CAD: variants seen among roughly 807,000 people sequenced by gnomAD.
CAD encodes the protein multifunctional protein CAD.
In CAD, 81 loss-of-function variants were observed where a neutral mutation model predicts 237.2. The ratio of observed to expected loss-of-function variants is 0.34; its 90% CI spans 0.29 to 0.41. The LOEUF (loss-of-function observed/expected upper bound fraction) is 0.41. Ranked by LOEUF, CAD falls within the 10% of genes least tolerant of loss-of-function variation. CAD has a pLI of 1.00. For synonymous variants in CAD, 1,196 were observed against 1,162.8 expected (o/e 1.03, Z -0.58); for missense variants, 2,181 against 2,951.7 (o/e 0.74, Z 6.05).
rs1216568269 is a variant in CAD, at chr2:27,232,043, T to C, written c.2464T>C (p.Ser822Pro). ...VVAAALWAGY[S>P]VDRLYELTRI... is the part of the protein sequence containing the mutation. Reference sequence around the variant, plus strand: ...GGCAGCTGCTTTGTGGGCTGGTTATTCAGTGGACCGCCTGTATGAGCTCAC... The same window carrying C: ...GGCAGCTGCTTTGTGGGCTGGTTATCCAGTGGACCGCCTGTATGAGCTCAC... The change falls in exon 17 of 44, where the codon TCA becomes CCA. Residue 822 changes from serine (S) to proline (P), a missense_variant. Around this residue, in one of 12 missense-constraint regions of CAD, gnomAD observed 385 missense variants for 535.1 expected, o/e 0.72. Transcript: ENST00000264705. This position sits in a 1 kb window ranked among gnomAD's most constrained non-coding sequence, Gnocchi z 4.1. 1 of 1,614,262 alleles carries C rather than the reference T, an allele frequency of 6.2e-7. No homozygotes were observed. The highest frequency in any genetic ancestry group is 1.1e-5 in the South Asian group (1 of 91,088).
At position 27,235,236 on chromosome 2, in the gene CAD, C is replaced by T. The variant is rs766769954; in HGVS notation, c.3787-9C>T. 3.8e-6 allele frequency: 6 copies of T among 1,597,782 alleles called. No individual in the cohort carries two copies. The East Asian group carries it at 1.3e-4, about 36-fold the overall frequency. ...CCTTGGCCCTCTCTCTTCCCTCCCG[C>T]CCCTTTAGGTGCCTCAGTTCTCCTT... On this transcript the variant is annotated splice_polypyrimidine_tract_variant and intron_variant, in intron 23 of 43. Transcript: ENST00000264705. This position sits in a 1 kb window ranked among gnomAD's most constrained non-coding sequence, Gnocchi z 5.2.
chr2:27,238,008 A>G, intron 29 of CAD, 48 bp from the exon 30 acceptor site: 2 of 1,606,150 alleles, frequency 1.2e-6, no homozygotes, highest in Non-Finnish European at 1.7e-6. Context: ...TCTGATGAGC[A>G]CAGTCAGAGA....
chr2:27,228,926 T>TC (rs1210362257), intron 15 of CAD, among the ~76,000 whole-genome samples: 3 of 146,160 alleles, frequency 2.1e-5, no homozygotes, highest in Non-Finnish European at 1.5e-5. Context: ...TTTTTTCTTT[T>TC]TTTTTTTTTT....
rs371174240 is a variant in CAD at position 27,239,126 on chromosome 2, C to T, written c.5147C>T (p.Thr1716Met). ...GLETMLPLLL[T>M]AVSEGRLSLD... ...GAGACCATGCTGCCACTACTCCTGA[C>T]GGCTGTAAGCGAGGGCCGGCTCAGC... The change falls in exon 32 of 44, where the codon ACG (threonine) becomes ATG (methionine). Residue 1716 changes from threonine to methionine, a missense_variant. Transcript: ENST00000264705. The surrounding 1 kb of genome is among the most constrained non-coding windows in gnomAD (Gnocchi z 4.0). The T allele has an allele frequency of 5.1e-5, 83 of 1,613,210 alleles. No homozygotes were observed. Among genetic ancestry groups the T allele is most frequent in the South Asian group, 6.6e-5 (6 of 90,948 alleles).
In CAD at chr2:27,243,417, G is replaced by A. The variant is rs201502721; in HGVS notation, c.6577G>A (p.Val2193Met). 1.1e-5 allele frequency: 17 copies of A among 1,523,108 alleles called. No homozygotes were observed. Among genetic ancestry groups the A allele is most frequent in the Middle Eastern group, 1.8e-4 (1 of 5,608 alleles). The allele number at this position is 1,523,108 out of a possible 1,614,324, so 94.3% of individuals were successfully genotyped here. Residue 2193 changes from valine to methionine, a missense_variant and splice_region_variant, in exon 44 of 44, where the codon GTG (valine) becomes ATG (methionine). Coordinates refer to ENST00000264705, the MANE Select transcript of CAD (RefSeq NM_004341.5). The part of the protein sequence containing the change: ...HPMPRVNEIS[V>M]EVDSDPRAAY... ...TTTTTTTTTTTTTTTTTTTTGCAGCGTGGAAGTGGACTCGGATCCCCGCGC... is the reference window on the plus strand; with the variant it reads ...TTTTTTTTTTTTTTTTTTTTGCAGCATGGAAGTGGACTCGGATCCCCGCGC...
At chr2:27,228,283 C>T (rs1675540153) in intron 15 of CAD, among the ~76,000 whole-genome samples, 1 of 152,158 alleles carries the variant, frequency 6.6e-6, no homozygotes, top group Non-Finnish European at 1.5e-5. Flanking sequence ...TCTGTTTATG[C>T]CCACTTCTTA....
Position 27,224,853 on chromosome 2 carries a change from A to C in CAD, c.1363A>C (p.Ile455Leu). 6.2e-7 allele frequency: 1 copy of C among 1,614,170 alleles called. No homozygotes were observed. The highest frequency in any genetic ancestry group is 8.5e-7 in the Non-Finnish European group (1 of 1,180,034). Residue 455 changes from isoleucine to leucine, a missense_variant, in exon 10 of 44, where the codon ATA (isoleucine) becomes CTA (leucine). Physicochemically the swap from Ile to Leu is conservative, Grantham distance 5. Transcript: ENST00000264705. Reference protein sequence around the residue: ...GLADKVYFLPITPHYVTQVIR... With the variant: ...GLADKVYFLPLTPHYVTQVIR... ...GGCCGACAAGGTCTATTTTCTTCCC[A>C]TAACACCTCATTATGTAACCCAGGT... is the stretch of plus-strand genomic sequence containing the variant.
intron 5 of CAD, 76 bp from the exon 6 acceptor site, chr2:27,222,790 T>C (rs558318616): frequency 3.7e-5 from 58 of 1,579,388 alleles, no homozygotes; most frequent in South Asian, 3.3e-4. Flanking sequence ...AACACTCTCA[T>C]GGGCTGGGGG....
chr2:27,223,027 T>A lies in CAD; in HGVS notation c.799T>A (p.Tyr267Asn). The change falls in exon 6 of 44, where the codon TAC becomes AAC. Residue 267 changes from tyrosine to asparagine, a missense_variant. Transcript: ENST00000264705. ...LLALAIGAKT[Y>N]KMRYGNRGHN... is the part of the protein sequence containing the mutation. The stretch of plus-strand genomic sequence containing the variant: ...GGCCTTAGCCATTGGGGCCAAGACT[T>A]ACAAGATGAGGTGGGACTTGTGGGG... 1 of 1,614,108 alleles carries A rather than the reference T, an allele frequency of 6.2e-7. No individual in the cohort carries two copies. The highest frequency in any genetic ancestry group is 8.5e-7 in the Non-Finnish European group (1 of 1,180,000).
chr2:27,235,249 C>G lies in CAD; in HGVS notation c.3791C>G (p.Pro1264Arg). 6.2e-7 allele frequency: 1 copy of G among 1,605,322 alleles called. No homozygotes were observed. Among genetic ancestry groups the G allele is most frequent in the Non-Finnish European group, 8.5e-7 (1 of 1,175,556 alleles). ...TGSGVVGVKV[P>R]QFSFSRLAGA... The stretch of plus-strand genomic sequence containing the variant: ...TCTTCCCTCCCGCCCCTTTAGGTGC[C>G]TCAGTTCTCCTTCTCCCGCTTGGCG... Residue 1264 changes from proline to arginine, a missense_variant, in exon 24 of 44, where the codon CCT (proline) becomes CGT (arginine). Transcript: ENST00000264705. The surrounding 1 kb of genome is among the most constrained non-coding windows in gnomAD (Gnocchi z 5.2).
rs56252443 is a variant in CAD, at chr2:27,243,013, G to T, written c.6480+40G>T. The T allele has an allele frequency of 0.049, 73,061 of 1,506,338 alleles. 1,948 individuals carry two copies. The highest frequency in any genetic ancestry group is 0.082 in the African/African-American group (5,947 of 72,902). 93.3% of individuals were successfully genotyped at this position (1,506,338 alleles called of 1,614,324 possible). ...TGAGGAAGAAGCCAGGGCTGCTGCC[G>T]TAGGGCATCAGATATGAGGACAGAA... On this transcript the variant is annotated intron_variant, in intron 42 of 43. Coordinates refer to ENST00000264705, the MANE Select transcript of CAD (RefSeq NM_004341.5).
rs1676280870 is a variant in CAD at position 27,240,823 on chromosome 2, A to G, written c.5594-88A>G. 1.7e-5 allele frequency: 25 copies of G among 1,446,478 alleles called. No individual in the cohort carries two copies. In the South Asian group the frequency reaches 2.9e-4, roughly 17 times the overall value. 89.6% of individuals were successfully genotyped at this position (1,446,478 alleles called of 1,614,324 possible). A position where few individuals can be genotyped will look rare whatever the true frequency, so the allele number is the denominator to read the frequency against. ...TGTGTTGTGAATTGGTTTAACATAT[A>G]CACTGTGATTCAGAGTTCCTGGGAA... is the stretch of plus-strand genomic sequence containing the variant. On this transcript the variant is annotated intron_variant, in intron 35 of 43. Transcript: ENST00000264705. The surrounding 1 kb of genome is among the most constrained non-coding windows in gnomAD (Gnocchi z 4.6).
At position 27,222,504 on chromosome 2, in the gene CAD, TC is replaced by T. The variant is rs1341519355; in HGVS notation, c.496-14del. 6.2e-7 allele frequency: 1 copy of T among 1,612,000 alleles called. No homozygotes were observed. The highest frequency in any genetic ancestry group is 1.3e-5 in the African/African-American group (1 of 74,862). On this transcript the variant is annotated splice_polypyrimidine_tract_variant and intron_variant, in intron 4 of 43. Coordinates refer to ENST00000264705, the MANE Select transcript of CAD (RefSeq NM_004341.5). Reference sequence around the variant, plus strand: ...ACAGCTGCCAACTGTTGCCCTTTATTCGTCTATTTCTCAGACTCCACGGGTA... The same window carrying T: ...ACAGCTGCCAACTGTTGCCCTTTATTGTCTATTTCTCAGACTCCACGGGTA...
Position 27,239,801 on chromosome 2 carries a change from A to T in CAD, c.5496+3A>T, listed in dbSNP as rs1452358451. 1 of 1,543,268 alleles carries T rather than the reference A, an allele frequency of 6.5e-7. No homozygotes were observed. Among genetic ancestry groups the T allele is most frequent in the Non-Finnish European group, 8.7e-7 (1 of 1,144,248 alleles). ...CTGCCACTAGTGAGATGACCACGGT[A>T]TCCACACTACTGGGCTAGGGGGCTG... is the stretch of plus-strand genomic sequence containing the variant. On this transcript the variant is annotated splice_donor_region_variant and intron_variant, in intron 34 of 43. Transcript: ENST00000264705. This position sits in a 1 kb window ranked among gnomAD's most constrained non-coding sequence, Gnocchi z 4.0.
At chr2:27,223,122 A>T in intron 6 of CAD, 85 bp downstream of exon 6, 1 of 1,434,708 alleles carries the variant, frequency 7.0e-7, no homozygotes, top group Non-Finnish European at 9.7e-7. Flanking sequence ...GTTGGTGTTT[A>T]TTCGTGTTGA....
rs566367558 is a variant in CAD at position 27,217,687 on chromosome 2, C to T, written c.82+54C>T. 2.2e-5 allele frequency: 33 copies of T among 1,480,294 alleles called. 1 individual carries two copies. In the South Asian group the frequency reaches 2.8e-4, roughly 12 times the overall value. The allele number at this position is 1,480,294 out of a possible 1,614,324, so 91.7% of individuals were successfully genotyped here. On this transcript the variant is annotated intron_variant, in intron 1 of 43. Coordinates refer to ENST00000264705, the MANE Select transcript of CAD (RefSeq NM_004341.5). ...TTATCCCACTCTGTGATGCGCCTCT[C>T]CTCCCAACCTTCCCCGTCCAGACCC...
In CAD at chr2:27,235,061, A is replaced by T. The variant is rs1026007727; in HGVS notation, c.3787-184A>T. On this transcript the variant is annotated intron_variant, in intron 23 of 43. Coordinates refer to ENST00000264705, the MANE Select transcript of CAD (RefSeq NM_004341.5). The surrounding 1 kb of genome is among the most constrained non-coding windows in gnomAD (Gnocchi z 5.2). Reference sequence around the variant, plus strand: ...GTTAAGGTTTTTTATTTGCAAGGGCACATCCTAAGCAGAAGCTGAGGGATG... The same window carrying T: ...GTTAAGGTTTTTTATTTGCAAGGGCTCATCCTAAGCAGAAGCTGAGGGATG... 2.6e-5 allele frequency among the ~76,000 whole-genome samples: 4 copies of T among 152,194 alleles called. No individual in the cohort carries two copies. Among genetic ancestry groups the T allele is most frequent in the Non-Finnish European group, 5.9e-5 (4 of 68,042 alleles).
At chr2:27,226,694 G>A in intron 14 of CAD, 45 bp downstream of exon 14, 11 of 1,611,008 alleles carry the variant, frequency 6.8e-6, no homozygotes, top group African/African-American at 1.3e-5. Flanking sequence ...TGGGTCGGGG[G>A]CTGAGGAAAA....
In CAD at chr2:27,239,623, C is replaced by T; in HGVS notation, c.5395-74C>T. ...ACAGCTCCCCCAAGGTGCTTTTTGT[C>T]CTTGCTGACATCTACCCCTTTAGGA... is the stretch of plus-strand genomic sequence containing the variant. On this transcript the variant is annotated intron_variant, in intron 33 of 43. Transcript: ENST00000264705. The surrounding 1 kb of genome is among the most constrained non-coding windows in gnomAD (Gnocchi z 4.0). The T allele has an allele frequency of 6.7e-7, 1 of 1,489,150 alleles. No homozygotes were observed. The highest frequency in any genetic ancestry group is 1.2e-5 in the South Asian group (1 of 80,362). 92.2% of individuals were successfully genotyped at this position (1,489,150 alleles called of 1,614,324 possible). A position where few individuals can be genotyped will look rare whatever the true frequency, so the allele number is the denominator to read the frequency against.
Sources: allele counts gnomAD v4.1 joint callset (sites outside exome capture counted in the v4.1 genomes callset), GRCh38; gene constraint gnomAD v4.1.1; regional missense constraint gnomAD v4.1.1; non-coding constraint Gnocchi (gnomAD v3.1); transcripts MANE v1.5; gene names NCBI Gene and HGNC (gene_info 2026-07-23, HGNC 2026-07-21).